The following RP1 variants were observed in gnomAD, a reference collection of about 807,000 sequenced individuals.
RP1 encodes oxygen-regulated protein 1.
Under a neutral mutation model 14.8 loss-of-function variants are expected in RP1, and 16 were observed. The ratio of observed to expected loss-of-function variants is 1.08; its 90% CI spans 0.73 to 1.65. The LOEUF (loss-of-function observed/expected upper bound fraction) is 1.65, where lower values mean the gene tolerates loss of function less well. Ranked by LOEUF, RP1 falls within the 40% of genes most tolerant of loss-of-function variation. The pLI is 0.00. For synonymous variants in RP1, 876 were observed against 883.6 expected (o/e 0.99, Z 0.15); for missense variants, 2,631 against 2,535.0 (o/e 1.04, Z -0.81).
At chr8:54,834,897 G>T (rs1293783552) in intron 24 of RP1, among the ~76,000 whole-genome samples, 1 of 152,098 alleles carries the variant, frequency 6.6e-6, no homozygotes, top group Admixed American at 6.6e-5. Flanking sequence ...TGAATTCAGT[G>T]ATCACAAAGC....
At chr8:54,637,064 C>T (rs1371706011) in intron 3 of RP1, among the ~76,000 whole-genome samples, 1 of 152,136 alleles carries the variant, frequency 6.6e-6, no homozygotes, top group African/African-American at 2.4e-5. Context: ...TGTAGCATAG[C>T]ATTATGGAGA....
chr8:54,822,153 T>C (rs1811270587), intron 24 of RP1, among the ~76,000 whole-genome samples: 1 of 152,220 alleles, frequency 6.6e-6, no homozygotes, highest in South Asian at 2.1e-4. Flanking sequence ...AGGGTATATA[T>C]AATAGTTTAA....
At chr8:54,750,968 G>A (rs957151532) in intron 19 of RP1, among the ~76,000 whole-genome samples, 4 of 152,194 alleles carry the variant, frequency 2.6e-5, no homozygotes, top group Admixed American at 1.3e-4. Flanking sequence ...CAACCTGCTC[G>A]GGTACCCTTC....
At chr8:54,585,035 C>T (rs911668069) in intron 1 of RP1, among the ~76,000 whole-genome samples, 4 of 152,112 alleles carry the variant, frequency 2.6e-5, no homozygotes, top group Non-Finnish European at 5.9e-5. Flanking sequence ...GAATTTGATC[C>T]TGTCATTAGG....
chr8:54,677,891 G>A (rs1807332501), intron 8 of RP1, among the ~76,000 whole-genome samples: 1 of 152,092 alleles, frequency 6.6e-6, no homozygotes, highest in South Asian at 2.1e-4. Context: ...TTATGTGTAA[G>A]TAAAATTGAT....
Position 54,842,954 on chromosome 8 carries a change from C to T in RP1, c.3835+5285C>T, listed in dbSNP as rs555965926. 6.4e-4 allele frequency among the ~76,000 whole-genome samples: 98 copies of T among 152,268 alleles called. 1 individual carries two copies. The highest frequency in any genetic ancestry group is 1.1e-3 in the African/African-American group (47 of 41,562). ...GTGCTCAGGTCTCTGATCCAAGGGACGTTTCCAGTGCTGCTTTCCTGGCAA... is the reference window on the plus strand; with the variant it reads ...GTGCTCAGGTCTCTGATCCAAGGGATGTTTCCAGTGCTGCTTTCCTGGCAA... On this transcript the variant is annotated intron_variant, in intron 25 of 28. Transcript: ENST00000637698.
chr8:54,599,003 T>C (rs949887728), intron 1 of RP1, among the ~76,000 whole-genome samples: 4 of 152,200 alleles, frequency 2.6e-5, no homozygotes, highest in African/African-American at 9.6e-5. Flanking sequence ...AAATCTGTAG[T>C]TTGTTTTTGC....
chr8:54,773,921 G>A (rs528777191), downstream of RP1, among the ~76,000 whole-genome samples: 2 of 152,216 alleles, frequency 1.3e-5, no homozygotes, highest in South Asian at 4.2e-4. Context: ...ATTATGTGTG[G>A]CAAAGATTAT....
intron 1 of RP1, among the ~76,000 whole-genome samples, chr8:54,595,123 C>A (rs1016934055): frequency 6.6e-6 from 1 of 151,648 alleles, no homozygotes; most frequent in Admixed American, 6.6e-5. Flanking sequence ...TAAGAAGGAT[C>A]CTCCAAACAT....
downstream of RP1, among the ~76,000 whole-genome samples, chr8:54,774,338 C>T (rs942283874): frequency 6.6e-6 from 1 of 152,118 alleles, no homozygotes; most frequent in Non-Finnish European, 1.5e-5. Flanking sequence ...GCCAGAGGAA[C>T]CATCTTCAGG....
chr8:54,684,854 C>G (rs574250831), intron 12 of RP1, among the ~76,000 whole-genome samples: 1 of 152,258 alleles, frequency 6.6e-6, no homozygotes, highest in East Asian at 1.9e-4. Flanking sequence ...ATGGATGAAG[C>G]TGGAAGCCAA....
At chr8:54,670,059 A>G (rs1389855087) in intron 7 of RP1, among the ~76,000 whole-genome samples, 1 of 152,058 alleles carries the variant, frequency 6.6e-6, no homozygotes, top group Non-Finnish European at 1.5e-5. Flanking sequence ...AAAACAGAAA[A>G]AAAGAGTGAA....
chr8:54,769,045 A>G (rs1223372228), intron 22 of RP1, among the ~76,000 whole-genome samples: 1 of 151,640 alleles, frequency 6.6e-6, no homozygotes, highest in African/African-American at 2.4e-5. Context: ...ACAGGCGCCC[A>G]CCACCACGCC....
rs1809492972 is a variant in RP1, at chr8:54,755,804, A to G, written c.3093+34A>G. The G allele has an allele frequency of 2.1e-6, 3 of 1,418,276 alleles. No homozygotes were observed. In the South Asian group the frequency reaches 4.5e-5, roughly 21 times the overall value. 87.9% of individuals were successfully genotyped at this position (1,418,276 alleles called of 1,614,324 possible). A position where few individuals can be genotyped will look rare whatever the true frequency, so the allele number is the denominator to read the frequency against. On this transcript the variant is annotated intron_variant, in intron 21 of 22. Transcript: ENST00000636932. Reference sequence around the variant, plus strand: ...ATACAAATAATTTCCCAGATTCTTAACAATCTCTCTGAAGATGGCCACATA... The same window carrying G: ...ATACAAATAATTTCCCAGATTCTTAGCAATCTCTCTGAAGATGGCCACATA...
At chr8:54,639,823 A>G (rs1806422387) in intron 3 of RP1, among the ~76,000 whole-genome samples, 1 of 152,182 alleles carries the variant, frequency 6.6e-6, no homozygotes, top group Non-Finnish European at 1.5e-5. Context: ...CTGAGAAGCA[A>G]TTATATATAT....
chr8:54,607,374 C>A (rs916367727), intron 1 of RP1, among the ~76,000 whole-genome samples: 2 of 152,180 alleles, frequency 1.3e-5, no homozygotes, highest in African/African-American at 2.4e-5. Flanking sequence ...TGGTGAACAG[C>A]AAATGTTACT....
chr8:54,574,426 CGGGCCTCAAGGAT>C (rs1351441834), intron 1 of RP1, among the ~76,000 whole-genome samples: 2 of 151,876 alleles, frequency 1.3e-5, no homozygotes, highest in African/African-American at 4.8e-5. Context: ...GAGCATGGCA[CGGGCCTCAAGGAT>C]GGGTAGGTTT....
intron 15 of RP1, among the ~76,000 whole-genome samples, chr8:54,711,868 C>T (rs1191414260): frequency 6.6e-6 from 1 of 152,038 alleles, no homozygotes; most frequent in Non-Finnish European, 1.5e-5. Context: ...AAATTCACTT[C>T]AATAAGTTCT....
At chr8:54,848,457 C>A (rs1418025142) in intron 25 of RP1, among the ~76,000 whole-genome samples, 2 of 152,100 alleles carry the variant, frequency 1.3e-5, no homozygotes, top group Non-Finnish European at 2.9e-5. Context: ...GTGGATTGGG[C>A]CCAATGATAT....
Sources: gnomAD v4.1 joint callset for allele counts (sites outside exome capture counted in the v4.1 genomes callset) on GRCh38, gnomAD v4.1.1 for gene constraint, MANE v1.5 for transcripts, NCBI Gene and HGNC (gene_info 2026-07-23, HGNC 2026-07-21) for gene names.